The following ADCY7 variants were observed in gnomAD, a reference collection of about 807,000 sequenced individuals.
ADCY7 encodes adenylate cyclase type 7.
In ADCY7, 72 loss-of-function variants were observed where a neutral mutation model predicts 120.6. That is an observed-to-expected ratio of 0.60 (90% CI 0.49 to 0.73). ADCY7 has a LOEUF of 0.73. Ranked by LOEUF, ADCY7 falls within the 30% of genes least tolerant of loss-of-function variation. ADCY7 has a pLI of 0.00. For missense variants in ADCY7, 1,227 were observed against 1,486.0 expected, an observed-to-expected ratio of 0.83 and a Z score of 2.87; for synonymous variants, 661 against 628.0, an observed-to-expected ratio of 1.05 and a Z score of -0.78.
chr16:50,304,728 C>T (rs117590130), intron 11 of ADCY7, among the ~76,000 whole-genome samples, 177 bp downstream of exon 11: 17 of 152,330 alleles, frequency 1.1e-4, no homozygotes, highest in East Asian at 9.6e-4. Flanking sequence ...GAGAATACTC[C>T]GGGATGGCCA....
chr16:50,290,769 A>G (rs1285709592), intron 3 of ADCY7, 109 bp downstream of exon 3: 1 of 1,240,438 alleles, frequency 8.1e-7, no homozygotes, highest in African/African-American at 1.5e-5. Flanking sequence ...CTGTGTGTCT[A>G]GGATGGCCCC....
chr16:50,312,233 G>A (rs367855829), intron 21 of ADCY7, 42 bp downstream of exon 21: 23 of 1,607,850 alleles, frequency 1.4e-5, no homozygotes, highest in Middle Eastern at 3.3e-4. Context: ...GGAGGCGGAC[G>A]GTCCAGGCGC....
At chr16:50,300,943 G>A in intron 9 of ADCY7, 70 bp downstream of exon 9, 2 of 1,538,998 alleles carry the variant, frequency 1.3e-6, no homozygotes, top group Non-Finnish European at 1.8e-6. Flanking sequence ...TTCTGCGGTT[G>A]GGGGTGGGGG....
intron 5 of ADCY7, 28 bp downstream of exon 5, chr16:50,292,853 T>G: frequency 6.2e-7 from 1 of 1,607,896 alleles, no homozygotes; most frequent in Non-Finnish European, 8.5e-7. Flanking sequence ...CTCCTCACCC[T>G]GTACACCCCT....
intron 1 of ADCY7, among the ~76,000 whole-genome samples, chr16:50,256,679 G>A (rs1366299779): frequency 1.3e-5 from 2 of 151,988 alleles, no homozygotes; most frequent in Non-Finnish European, 2.9e-5. Context: ...CTCCAGCTTG[G>A]GCAAGACCCT....
chr16:50,312,728 C>T (rs1175040087), intron 21 of ADCY7, among the ~76,000 whole-genome samples, 162 bp from the exon 22 acceptor site: 3 of 152,152 alleles, frequency 2.0e-5, no homozygotes, highest in East Asian at 1.9e-4. Flanking sequence ...CTTAATCACC[C>T]GGTAACAGCC....
intron 1 of ADCY7, among the ~76,000 whole-genome samples, chr16:50,247,990 C>T (rs950902884): frequency 6.6e-6 from 1 of 152,150 alleles, no homozygotes; most frequent in Non-Finnish European, 1.5e-5. Context: ...CCCTGCGTAT[C>T]CCTTGTATCT....
chr16:50,259,706 G>A (rs1219808924), intron 1 of ADCY7, among the ~76,000 whole-genome samples: 4 of 152,186 alleles, frequency 2.6e-5, no homozygotes, highest in South Asian at 4.1e-4. Flanking sequence ...GGCAGTAGCC[G>A]CAGGGTGCCG....
rs146138847 is a variant in ADCY7, at chr16:50,270,664, G to T, written c.-269+3984G>T. On this transcript the variant is annotated intron_variant, in intron 1 of 25. Coordinates refer to ENST00000673801, the MANE Select transcript of ADCY7 (RefSeq NM_001114.5). Reference sequence around the variant, plus strand: ...ACCTCCCTGGGGGAGCCTGGGTGGTGCAGGCAGGCAGGGCTGAGCTGAGCA... The same window carrying T: ...ACCTCCCTGGGGGAGCCTGGGTGGTTCAGGCAGGCAGGGCTGAGCTGAGCA... Among the ~76,000 whole-genome samples, 218 of 152,284 alleles carry T rather than the reference G, an allele frequency of 1.4e-3. 3 individuals carry two copies. The highest frequency in any genetic ancestry group is 5.0e-3 in the African/African-American group (208 of 41,552).
At chr16:50,248,780 G>T (rs546574593) in intron 1 of ADCY7, among the ~76,000 whole-genome samples, 1 of 152,346 alleles carries the variant, frequency 6.6e-6, no homozygotes, top group Non-Finnish European at 1.5e-5. Flanking sequence ...GCTGATGCCA[G>T]TTTCTGAATT....
intron 19 of ADCY7, 97 bp from the exon 20 acceptor site, chr16:50,311,596 C>T: frequency 5.4e-6 from 4 of 734,200 alleles, no homozygotes; most frequent in Admixed American, 2.0e-5. Context: ...AATCAATTTT[C>T]CCCTTTCCCC....
rs2035449574 is a variant in ADCY7 at position 50,297,736 on chromosome 16, C to T, written c.949-1168C>T. ...GACGAGGACAGGATAGGCTCGAGTC[C>T]TGGAGACAGATGGTGTTCCAGGAGC... On this transcript the variant is annotated intron_variant, in intron 7 of 25. Transcript: ENST00000673801. This position sits in a 1 kb window ranked among gnomAD's most constrained non-coding sequence, Gnocchi z 4.4. 6.6e-6 allele frequency among the ~76,000 whole-genome samples: 1 copy of T among 152,148 alleles called. No homozygotes were observed. The highest frequency in any genetic ancestry group is 6.5e-5 in the Admixed American group (1 of 15,280).
intron 1 of ADCY7, among the ~76,000 whole-genome samples, chr16:50,277,036 A>C (rs2033940278): frequency 6.6e-6 from 1 of 152,142 alleles, no homozygotes; most frequent in African/African-American, 2.4e-5. Flanking sequence ...CTGTGAAATC[A>C]AGAGTTTTGG....
chr16:50,296,091 C>T (rs1310571330), intron 7 of ADCY7, among the ~76,000 whole-genome samples: 1 of 152,150 alleles, frequency 6.6e-6, no homozygotes, highest in East Asian at 1.9e-4. Flanking sequence ...CTTGCTCTGT[C>T]ACCTAGCGTG....
Position 50,292,801 on chromosome 16 carries a change from G to A in ADCY7, c.663G>A (p.Lys221=), listed in dbSNP as rs760702475. The change falls in exon 5 of 26, where the codon AAG becomes AAA. Residue 221 remains lysine (K), a synonymous_variant. Transcript: ENST00000673801. The part of the protein sequence containing the change: ...YTVKCIQIRR[K]LRIEKRQQEN... ...TGAAGTGCATCCAGATCCGCCGGAA[G>A]CTGCGCATCGAGAAGCGCCAGCAGG... is the stretch of plus-strand genomic sequence containing the variant. 5 of 1,613,618 alleles carry A rather than the reference G, an allele frequency of 3.1e-6. No homozygotes were observed. The highest frequency in any genetic ancestry group is 2.5e-6 in the Non-Finnish European group (3 of 1,179,988).
At chr16:50,270,694 C>T (rs921400508) in intron 1 of ADCY7, among the ~76,000 whole-genome samples, 2 of 152,164 alleles carry the variant, frequency 1.3e-5, no homozygotes, top group African/African-American at 4.8e-5. Context: ...TGAGCAGCCT[C>T]CCTGTCACCT....
At chr16:50,255,648 C>T (rs1232716996) in intron 1 of ADCY7, among the ~76,000 whole-genome samples, 1 of 152,154 alleles carries the variant, frequency 6.6e-6, no homozygotes, top group East Asian at 1.9e-4. Flanking sequence ...GTGCATGCCA[C>T]CTTTGGCTAA....
rs538515875 is a variant in ADCY7, at chr16:50,301,212, C to T, written c.1366C>T (p.Arg456Trp). The change falls in exon 10 of 26, where the codon CGG becomes TGG. Residue 456 changes from arginine (R) to tryptophan (W), a missense_variant and splice_region_variant. Arg to Trp is a moderately radical substitution (Grantham distance 101, BLOSUM62 -3). Transcript: ENST00000673801. Reference sequence around the variant, plus strand: ...CCGCACCTACCTGGTCATCGACCCCCGGGTACGAGGGCTCAGAGGCCGCAG... The same window carrying T: ...CCGCACCTACCTGGTCATCGACCCCTGGGTACGAGGGCTCAGAGGCCGCAG... ...NIRTYLVIDPRSQQPPPPSQH... is the reference protein window; with the variant it reads ...NIRTYLVIDPWSQQPPPPSQH... 57 of 1,588,264 alleles carry T rather than the reference C, an allele frequency of 3.6e-5. No homozygotes were observed. The highest frequency in any genetic ancestry group is 4.5e-5 in the Non-Finnish European group (53 of 1,167,666).
At chr16:50,259,325 G>GGA (rs1286370963) in intron 1 of ADCY7, among the ~76,000 whole-genome samples, 2 of 152,208 alleles carry the variant, frequency 1.3e-5, no homozygotes, top group African/African-American at 4.8e-5. Context: ...GGATCTGGTG[G>GGA]GAGGGACATG....
Sources: allele counts gnomAD v4.1 joint callset (sites outside exome capture counted in the v4.1 genomes callset), GRCh38; gene constraint gnomAD v4.1.1; non-coding constraint Gnocchi (gnomAD v3.1); transcripts MANE v1.5; gene names NCBI Gene and HGNC (gene_info 2026-07-23, HGNC 2026-07-21).